The following HNF4A variants were observed in gnomAD, a reference collection of about 807,000 sequenced individuals.
HNF4A encodes hepatocyte nuclear factor 4 alpha.
A neutral mutation model predicts 52.4 loss-of-function variants in HNF4A; 15 were observed. The ratio of observed to expected loss-of-function variants is 0.29; its 90% CI spans 0.19 to 0.44. The LOEUF (loss-of-function observed/expected upper bound fraction) is 0.44. Ranked by LOEUF, HNF4A falls within the 20% of genes least tolerant of loss-of-function variation. HNF4A has a pLI of 1.00. For synonymous variants in HNF4A, 280 were observed against 264.4 expected, an observed-to-expected ratio of 1.06 and a Z score of -0.57; for missense variants, 479 against 647.2, an observed-to-expected ratio of 0.74 and a Z score of 2.82.
intron 1 of HNF4A, among the ~76,000 whole-genome samples, chr20:44,404,949 A>G (rs62206821): frequency 0.93 from 89,155 of 96,060 alleles, 41,149 homozygotes; most frequent in East Asian, 0.97. Flanking sequence ...CGTGTGTGGG[A>G]ACTGTGTGGT....
At chr20:44,379,060 T>C (rs2063120624) in intron 1 of HNF4A, among the ~76,000 whole-genome samples, 1 of 152,242 alleles carries the variant, frequency 6.6e-6, no homozygotes, top group African/African-American at 2.4e-5. Flanking sequence ...ATTTGTTCTT[T>C]GTGACTAGCT....
At chr20:44,417,035 G>C (rs2063674877) in intron 5 of HNF4A, among the ~76,000 whole-genome samples, 1 of 152,144 alleles carries the variant, frequency 6.6e-6, no homozygotes, top group South Asian at 2.1e-4. Flanking sequence ...GATGAGATTA[G>C]AGACCTTGTC....
At chr20:44,355,839 T>C (rs754071908) in exon 1 of HNF4A, 10 of 1,612,988 alleles carry the variant, frequency 6.2e-6, no homozygotes, top group Non-Finnish European at 8.5e-6. Context: ...GGGGCTCCAG[T>C]GGAGAGTTCT....
intron 1 of HNF4A, among the ~76,000 whole-genome samples, chr20:44,373,785 G>A (rs907774591): frequency 6.6e-6 from 1 of 151,940 alleles, no homozygotes; most frequent in African/African-American, 2.4e-5. Flanking sequence ...CGCCTCCTGG[G>A]TTCAAGCAAT....
intron 1 of HNF4A, among the ~76,000 whole-genome samples, chr20:44,368,870 A>G (rs1215100424): frequency 6.6e-6 from 1 of 152,222 alleles, no homozygotes; most frequent in Non-Finnish European, 1.5e-5. Flanking sequence ...CTTTCTTACT[A>G]GCAAGTTAAC....
chr20:44,362,843 C>CT (rs773479711), intron 1 of HNF4A, among the ~76,000 whole-genome samples: 6,196 of 134,406 alleles, frequency 0.046, 196 homozygotes, highest in African/African-American at 0.077. Flanking sequence ...ACTCAATTCT[C>CT]TTTTTTTTTT....
intron 7 of HNF4A, among the ~76,000 whole-genome samples, chr20:44,420,648 G>C (rs1012621431): frequency 6.6e-6 from 1 of 151,856 alleles, no homozygotes; most frequent in African/African-American, 2.4e-5. Flanking sequence ...AGGGATAGTG[G>C]TGAGCACCTG....
chr20:44,393,931 G>T (rs1404080746), intron 1 of HNF4A, among the ~76,000 whole-genome samples: 3 of 151,976 alleles, frequency 2.0e-5, no homozygotes, highest in African/African-American at 7.3e-5. Flanking sequence ...TGCCCAGGCT[G>T]GTCTCAAACT....
chr20:44,387,251 G>A (rs2063235935), intron 1 of HNF4A, among the ~76,000 whole-genome samples: 1 of 139,290 alleles, frequency 7.2e-6, no homozygotes, highest in African/African-American at 2.7e-5. Context: ...TCGTGCCATT[G>A]CTCTCCAGCC....
At chr20:44,369,077 C>G (rs926447962) in intron 1 of HNF4A, among the ~76,000 whole-genome samples, 1 of 151,608 alleles carries the variant, frequency 6.6e-6, no homozygotes, top group Non-Finnish European at 1.5e-5. Flanking sequence ...GAAACCCTGT[C>G]TCTACTAATA....
intron 1 of HNF4A, among the ~76,000 whole-genome samples, chr20:44,395,898 G>C (rs2063348467): frequency 6.6e-6 from 1 of 152,162 alleles, no homozygotes; most frequent in African/African-American, 2.4e-5. Context: ...GGTGTGGTGA[G>C]CGCCAAGGGG....
intron 1 of HNF4A, among the ~76,000 whole-genome samples, chr20:44,376,781 G>C (rs1159749687): frequency 1.3e-5 from 2 of 152,080 alleles, no homozygotes; most frequent in African/African-American, 4.8e-5. Flanking sequence ...AAAATATTTT[G>C]CTTATCTGGA....
intron 4 of HNF4A, 114 bp downstream of exon 4, chr20:44,413,914 C>G: frequency 1.3e-6 from 1 of 741,302 alleles, no homozygotes; most frequent in Non-Finnish European, 2.4e-6. Flanking sequence ...GGAGGGGCCT[C>G]AGATATTACA....
intron 4 of HNF4A, among the ~76,000 whole-genome samples, chr20:44,414,108 G>A (rs1380628737): frequency 2.0e-5 from 3 of 152,238 alleles, no homozygotes; most frequent in Non-Finnish European, 4.4e-5. Flanking sequence ...GTGGCTCAGT[G>A]GAGAGAGGTG....
chr20:44,370,138 C>T (rs928173241), intron 1 of HNF4A, among the ~76,000 whole-genome samples: 3 of 152,282 alleles, frequency 2.0e-5, no homozygotes, highest in South Asian at 2.1e-4. Flanking sequence ...GCCATTCTCC[C>T]GCCTCAGCCC....
rs6031600 is a variant in HNF4A, at chr20:44,428,092, A to G, written c.1130-243A>G. Among the ~76,000 whole-genome samples, 528 of 152,272 alleles carry G rather than the reference A, an allele frequency of 3.5e-3. 3 individuals carry two copies. Among genetic ancestry groups the G allele is most frequent in the East Asian group, 0.018 (93 of 5,184 alleles). ...TTACGTGATCTCAGAGCTTCCTTAT[A>G]TGCACCTTGTTCCTTTCAACTCACT... On this transcript the variant is annotated intron_variant, in intron 8 of 9. Coordinates refer to ENST00000316099, the MANE Select transcript of HNF4A (RefSeq NM_000457.6).
At chr20:44,379,561 T>TG (rs2063127451) in intron 1 of HNF4A, among the ~76,000 whole-genome samples, 1 of 151,742 alleles carries the variant, frequency 6.6e-6, no homozygotes, top group Admixed American at 6.6e-5. Flanking sequence ...TTTGTCTTGG[T>TG]TTTTTTTGGA....
At chr20:44,420,586 C>T (rs2063730597) in intron 7 of HNF4A, among the ~76,000 whole-genome samples, 1 of 152,104 alleles carries the variant, frequency 6.6e-6, no homozygotes, top group African/African-American at 2.4e-5. Context: ...TCGAGGCCAG[C>T]CTGGCCAACA....
intron 1 of HNF4A, among the ~76,000 whole-genome samples, chr20:44,379,079 A>G (rs2063120840): frequency 6.6e-6 from 1 of 152,166 alleles, no homozygotes; most frequent in Non-Finnish European, 1.5e-5. Flanking sequence ...CTTTTCCCCT[A>G]GCATAATGCC....
Sources: allele counts gnomAD v4.1 joint callset (sites outside exome capture counted in the v4.1 genomes callset), GRCh38; gene constraint gnomAD v4.1.1; transcripts MANE v1.5; gene names NCBI Gene and HGNC (gene_info 2026-07-23, HGNC 2026-07-21).